Variants in ARHGAP15 observed in about 807,000 individuals in gnomAD.
ARHGAP15 encodes the protein rho GTPase-activating protein 15.
In ARHGAP15, 51 loss-of-function variants were observed where a neutral mutation model predicts 63.7. That is an observed-to-expected ratio of 0.80 (90% CI 0.64 to 1.01). The LOEUF is 1.01. Ranked by LOEUF, ARHGAP15 falls within the 50% of genes least tolerant of loss-of-function variation. The pLI is 0.00. For synonymous variants in ARHGAP15, 191 were observed against 193.8 expected, an observed-to-expected ratio of 0.99 and a Z score of 0.12; for missense variants, 560 against 564.6, an observed-to-expected ratio of 0.99 and a Z score of 0.08.
intron 11 of ARHGAP15, among the ~76,000 whole-genome samples, chr2:143,568,005 A>G (rs2105112594): frequency 2.0e-5 from 3 of 152,352 alleles, no homozygotes; most frequent in Middle Eastern, 6.8e-3. Flanking sequence ...CTTACACCTT[A>G]TACAAAAATT....
chr2:143,705,833 T>C (rs1684302794), intron 13 of ARHGAP15, among the ~76,000 whole-genome samples: 1 of 152,150 alleles, frequency 6.6e-6, no homozygotes, highest in Non-Finnish European at 1.5e-5. Context: ...ATCTATCTAG[T>C]TAAAAACCTT....
chr2:143,677,426 ATATTTTT>A (rs1682882054), intron 12 of ARHGAP15, among the ~76,000 whole-genome samples: 1 of 152,122 alleles, frequency 6.6e-6, no homozygotes, highest in African/African-American at 2.4e-5. Flanking sequence ...CCAGAAAGAT[ATATTTTT>A]CTTCCTCAAG....
intron 13 of ARHGAP15, among the ~76,000 whole-genome samples, chr2:143,710,448 T>C (rs926122306): frequency 4.6e-5 from 7 of 152,200 alleles, no homozygotes; most frequent in Admixed American, 2.6e-4. Context: ...GCATGGGATT[T>C]ATAAGGTTTG....
chr2:143,170,438 A>T (rs1026561290), intron 2 of ARHGAP15, among the ~76,000 whole-genome samples: 1 of 152,154 alleles, frequency 6.6e-6, no homozygotes, highest in African/African-American at 2.4e-5. Flanking sequence ...ACTGCCACCA[A>T]CAAATACATG....
intron 11 of ARHGAP15, among the ~76,000 whole-genome samples, chr2:143,557,380 G>A (rs1194998351): frequency 6.6e-6 from 1 of 152,072 alleles, no homozygotes; most frequent in Admixed American, 6.6e-5. Context: ...AGTAAAACAA[G>A]CCAGTGTGAA....
intron 11 of ARHGAP15, among the ~76,000 whole-genome samples, chr2:143,618,683 T>C (rs1256460760): frequency 6.6e-6 from 1 of 152,222 alleles, no homozygotes; most frequent in African/African-American, 2.4e-5. Flanking sequence ...ACTCTTCTAT[T>C]CTGGATAGTC....
chr2:143,265,510 T>G (rs1468821771), intron 6 of ARHGAP15, among the ~76,000 whole-genome samples: 1 of 152,176 alleles, frequency 6.6e-6, no homozygotes, highest in Non-Finnish European at 1.5e-5. Context: ...TTGCTATTTG[T>G]TTCTAAAAGT....
chr2:143,436,997 G>A lies in ARHGAP15; in HGVS notation c.658G>A (p.Asp220Asn), dbSNP rs1337105115. The stretch of plus-strand genomic sequence containing the variant: ...TAGCACTGAATTGCTAAGTCACTAC[G>A]ACAGTGATATAAAAGAACAGAAACC... Reference protein sequence around the residue: ...SSSTELLSHYDSDIKEQKPEH... With the variant: ...SSSTELLSHYNSDIKEQKPEH... Residue 220 changes from aspartate to asparagine, a missense_variant, in exon 8 of 14, where the codon GAC becomes AAC. By Grantham distance (23) the Asp-to-Asn change is conservative. Coordinates refer to ENST00000295095, the MANE Select transcript of ARHGAP15 (RefSeq NM_018460.4). 8.7e-6 allele frequency: 14 copies of A among 1,607,174 alleles called. No individual in the cohort carries two copies. Among genetic ancestry groups the A allele is most frequent in the African/African-American group, 4.0e-5 (3 of 74,542 alleles).
intron 6 of ARHGAP15, among the ~76,000 whole-genome samples, chr2:143,264,178 A>G (rs1680881204): frequency 6.6e-6 from 1 of 151,634 alleles, no homozygotes; most frequent in Non-Finnish European, 1.5e-5. Context: ...CAATCCATGG[A>G]TTGTTGTCCA....
At chr2:143,193,832 A>G (rs1427787207) in intron 2 of ARHGAP15, among the ~76,000 whole-genome samples, 7 of 152,208 alleles carry the variant, frequency 4.6e-5, no homozygotes, top group Admixed American at 3.9e-4. Flanking sequence ...AACTTGACAT[A>G]TCATGGATTA....
chr2:143,380,030 G>A (rs542098768), intron 6 of ARHGAP15, among the ~76,000 whole-genome samples: 1 of 152,106 alleles, frequency 6.6e-6, no homozygotes, highest in African/African-American at 2.4e-5. Context: ...AATGATGAAG[G>A]AAGGGATAAA....
intron 6 of ARHGAP15, among the ~76,000 whole-genome samples, chr2:143,425,767 T>A (rs1394700933): frequency 1.3e-5 from 2 of 148,798 alleles, no homozygotes; most frequent in African/African-American, 4.9e-5. Context: ...TTAGTTTCAT[T>A]CCTAATGAAT....
At chr2:143,417,973 T>TG (rs1350647296) in intron 6 of ARHGAP15, among the ~76,000 whole-genome samples, 1 of 152,232 alleles carries the variant, frequency 6.6e-6, no homozygotes, top group Non-Finnish European at 1.5e-5. Context: ...CAACTGCTGA[T>TG]GGAGTAGGGT....
intron 2 of ARHGAP15, among the ~76,000 whole-genome samples, chr2:143,175,813 C>T (rs921787574): frequency 2.0e-5 from 3 of 152,020 alleles, no homozygotes; most frequent in Admixed American, 6.6e-5. Flanking sequence ...TCTTGAAAAC[C>T]CAACCTAGTA....
At chr2:143,192,010 G>T (rs6744903) in intron 2 of ARHGAP15, among the ~76,000 whole-genome samples, 1 of 152,282 alleles carries the variant, frequency 6.6e-6, no homozygotes, top group East Asian at 1.9e-4. Context: ...CCAATCAAAA[G>T]CCAGACTAAC....
At chr2:143,503,035 T>C (rs1012845554) in intron 9 of ARHGAP15, among the ~76,000 whole-genome samples, 4 of 152,214 alleles carry the variant, frequency 2.6e-5, no homozygotes, top group Admixed American at 6.5e-5. Context: ...TGGCATACCA[T>C]CTGCATGCTA....
At chr2:143,540,959 T>C (rs1159580823) in intron 10 of ARHGAP15, among the ~76,000 whole-genome samples, 1 of 152,210 alleles carries the variant, frequency 6.6e-6, no homozygotes, top group African/African-American at 2.4e-5. Flanking sequence ...CTGGATAATA[T>C]CCTGCAGAGT....
chr2:143,617,707 C>T (rs1171590967), intron 11 of ARHGAP15, among the ~76,000 whole-genome samples: 1 of 152,184 alleles, frequency 6.6e-6, no homozygotes, highest in East Asian at 1.9e-4. Context: ...AGGCACGATG[C>T]ATATTTTTGG....
intron 12 of ARHGAP15, among the ~76,000 whole-genome samples, chr2:143,674,585 C>A (rs1333847569): frequency 6.6e-6 from 1 of 152,112 alleles, no homozygotes; most frequent in Non-Finnish European, 1.5e-5. Context: ...TACAGGCATA[C>A]CTCAGAGAGA....
Sources: gnomAD v4.1 joint callset for allele counts (sites outside exome capture counted in the v4.1 genomes callset) on GRCh38, gnomAD v4.1.1 for gene constraint, MANE v1.5 for transcripts, NCBI Gene and HGNC (gene_info 2026-07-23, HGNC 2026-07-21) for gene names.